The following LMO3 variants were observed in gnomAD, a reference collection of about 807,000 sequenced individuals.
LMO3 encodes LIM domain only protein 3.
Under a neutral mutation model 15.8 loss-of-function variants are expected in LMO3, and 2 were observed. That is an observed-to-expected ratio of 0.13 (90% CI 0.05 to 0.40). The LOEUF is 0.40. LMO3 is among the 10% of genes least tolerant of loss of function. The probability of loss-of-function intolerance (pLI) is 0.99; values close to 1 mark genes in which losing one functional copy is unlikely to be tolerated. For synonymous variants in LMO3, 62 were observed against 63.8 expected, an observed-to-expected ratio of 0.97 and a Z score of 0.13; for missense variants, 86 against 182.2, an observed-to-expected ratio of 0.47 and a Z score of 3.04.
chr12:16,578,755 T>C (rs912522166), intron 2 of LMO3, among the ~76,000 whole-genome samples: 38 of 151,884 alleles, frequency 2.5e-4, no homozygotes, highest in African/African-American at 8.9e-4. Context: ...GAGGCGGAGT[T>C]TGCAGTGAGC....
chr12:16,572,334 A>G (rs1942840860), intron 2 of LMO3, among the ~76,000 whole-genome samples: 1 of 142,866 alleles, frequency 7.0e-6, no homozygotes, highest in African/African-American at 2.6e-5. Context: ...ATAGTGGTCC[A>G]AACTCTTTTT....
At position 16,597,504 on chromosome 12, in the gene LMO3, T is replaced by C. The variant is rs1334296122; in HGVS notation, c.206+3151A>G. 6.6e-6 allele frequency: 1 copy of C among 151,874 alleles called. No homozygotes were observed. Among genetic ancestry groups the C allele is most frequent in the African/African-American group, 2.4e-5 (1 of 41,418 alleles). The allele number at this position is 151,874 out of a possible 1,614,324, so 9.4% of individuals were successfully genotyped here. A position where few individuals can be genotyped will look rare whatever the true frequency, so the allele number is the denominator to read the frequency against. ...ATAATTAGGAGTGTTTCTTTCTTTC[T>C]GTTTATGGAGGGAGAAGTGTATTAA... On this transcript the variant is annotated intron_variant, in intron 2 of 3. Transcript: ENST00000537304. This position sits in a 1 kb window ranked among gnomAD's most constrained non-coding sequence, Gnocchi z 5.0.
rs1943333502 is a variant in LMO3, at chr12:16,586,697, T to A, written c.206+13958A>T. 6.6e-6 allele frequency among the ~76,000 whole-genome samples: 1 copy of A among 152,204 alleles called. No homozygotes were observed. Among genetic ancestry groups the A allele is most frequent in the African/African-American group, 2.4e-5 (1 of 41,454 alleles). On this transcript the variant is annotated intron_variant, in intron 2 of 3. Transcript: ENST00000537304. This position sits in a 1 kb window ranked among gnomAD's most constrained non-coding sequence, Gnocchi z 4.3. ...TAGAGATTTCAAGATACACATCTTT[T>A]GACCCCCCATTGCAGTAGATGATGT...
chr12:16,552,391 T>G (rs1591763698), intron 3 of LMO3, among the ~76,000 whole-genome samples: 1 of 152,162 alleles, frequency 6.6e-6, no homozygotes, highest in South Asian at 2.1e-4. Flanking sequence ...AGCAGAAATC[T>G]TAGTGGATAG....
intron 2 of LMO3, among the ~76,000 whole-genome samples, chr12:16,566,040 A>ATATGT (rs1942598708): frequency 9.4e-6 from 1 of 106,802 alleles, no homozygotes; most frequent in Non-Finnish European, 1.9e-5. Context: ...ATATATATAT[A>ATATGT]AAATGGAGTA....
rs1044974073 is a variant in LMO3 at position 16,586,503 on chromosome 12, C to T, written c.206+14152G>A. On this transcript the variant is annotated intron_variant, in intron 2 of 3. Transcript: ENST00000537304. This position sits in a 1 kb window ranked among gnomAD's most constrained non-coding sequence, Gnocchi z 4.3. ...ATCTCACGCTAAGCATTATCTTCTA[C>T]GTCCACAGAAAAAAATCTGTTGTAT... is the stretch of plus-strand genomic sequence containing the variant. 4.6e-5 allele frequency among the ~76,000 whole-genome samples: 7 copies of T among 152,108 alleles called. No individual in the cohort carries two copies. Among genetic ancestry groups the T allele is most frequent in the Admixed American group, 6.6e-5 (1 of 15,262 alleles).
At chr12:16,569,828 G>A (rs1276381494) in intron 2 of LMO3, among the ~76,000 whole-genome samples, 1 of 152,048 alleles carries the variant, frequency 6.6e-6, no homozygotes, top group Non-Finnish European at 1.5e-5. Context: ...AAAAGAAACA[G>A]TAAAATAAAG....
upstream of LMO3, chr12:16,607,592 C>T (rs576635611): frequency 2.0e-5 from 3 of 152,216 alleles, no homozygotes; most frequent in East Asian, 5.8e-4. Flanking sequence ...TTAAAGTACC[C>T]TCACCAGATT....
At chr12:16,563,590 T>C (rs938607972) in intron 2 of LMO3, among the ~76,000 whole-genome samples, 1 of 152,164 alleles carries the variant, frequency 6.6e-6, no homozygotes, top group Non-Finnish European at 1.5e-5. Flanking sequence ...TCTTGTAACC[T>C]CTTCCTCTGC....
chr12:16,595,975 C>T (rs1308958208), intron 2 of LMO3, among the ~76,000 whole-genome samples: 1 of 151,300 alleles, frequency 6.6e-6, no homozygotes. Flanking sequence ...ATTGTATCAA[C>T]ATTAAAAAAG....
rs921001052 is a variant in LMO3 at position 16,593,662 on chromosome 12, C to A, written c.206+6993G>T. On this transcript the variant is annotated intron_variant, in intron 2 of 3. Transcript: ENST00000537304. This position sits in a 1 kb window ranked among gnomAD's most constrained non-coding sequence, Gnocchi z 4.2. ...GTAGTTAGTTTGTGAAGATAGAAAA[C>A]GTTTGGCTTCTATAATAAGAGGATA... Among the ~76,000 whole-genome samples the A allele has an allele frequency of 6.6e-6, 1 of 151,734 alleles. No homozygotes were observed. The highest frequency in any genetic ancestry group is 1.9e-4 in the East Asian group (1 of 5,176).
chr12:16,608,532 A>T (rs1360635202), upstream of LMO3: 2 of 152,148 alleles, frequency 1.3e-5, no homozygotes, highest in Non-Finnish European at 2.9e-5. The surrounding 1 kb of genome is among the most constrained non-coding windows in gnomAD (Gnocchi z 4.1). Context: ...GATTCCTGAT[A>T]TCAACACCAA....
intron 2 of LMO3, among the ~76,000 whole-genome samples, chr12:16,595,025 G>A (rs1943607212): frequency 6.6e-6 from 1 of 151,322 alleles, no homozygotes; most frequent in South Asian, 2.1e-4. Flanking sequence ...CTCAAATGTA[G>A]GTTTTCCAGA....
Position 16,593,292 on chromosome 12 carries a change from C to T in LMO3, c.206+7363G>A. 6.6e-6 allele frequency among the ~76,000 whole-genome samples: 1 copy of T among 151,664 alleles called. No homozygotes were observed. Among genetic ancestry groups the T allele is most frequent in the Non-Finnish European group, 1.5e-5 (1 of 67,760 alleles). On this transcript the variant is annotated intron_variant, in intron 2 of 3. Transcript: ENST00000537304. This position sits in a 1 kb window ranked among gnomAD's most constrained non-coding sequence, Gnocchi z 4.2. ...AGAGTCTTTTATTTTCCCAGTAGCC[C>T]AGTTGGAGAGTTTTAATATTAAATT...
At position 16,563,918 on chromosome 12, in the gene LMO3, C is replaced by T. The variant is rs1942493640; in HGVS notation, c.207-3380G>A. 4.6e-5 allele frequency among the ~76,000 whole-genome samples: 7 copies of T among 152,162 alleles called. No individual in the cohort carries two copies. The South Asian group carries it at 1.5e-3, about 32-fold the overall frequency. On this transcript the variant is annotated intron_variant, in intron 2 of 3. Transcript: ENST00000537304. The stretch of plus-strand genomic sequence containing the variant: ...TAAATCATGATACATGGTAATTTGC[C>T]AATTTATGGGCTAGATTTTTCCCTA...
rs1051837387 is a variant in LMO3 at position 16,560,587 on chromosome 12, C to G, written c.207-49G>C. 3 of 1,544,120 alleles carry G rather than the reference C, an allele frequency of 1.9e-6. No individual in the cohort carries two copies. Among genetic ancestry groups the G allele is most frequent in the Admixed American group, 3.5e-5 (2 of 56,672 alleles). On this transcript the variant is annotated intron_variant, in intron 2 of 3. Coordinates refer to ENST00000537304, the MANE Select transcript of LMO3 (RefSeq NM_018640.5). The surrounding 1 kb of genome is among the most constrained non-coding windows in gnomAD (Gnocchi z 5.0). ...TTTTTACAAACTCTTACAGAGAAAT[C>G]TGAGATCGTGAAGAGAGATGATGTT...
Position 16,586,718 on chromosome 12 carries a change from GAT to G in LMO3, c.206+13935_206+13936del, listed in dbSNP as rs1389220298. ...CTTTTGACCCCCCATTGCAGTAGATGATGTTTTTTTCCATTTCTCTGGTACTT... is the reference window on the plus strand; with the variant it reads ...CTTTTGACCCCCCATTGCAGTAGATGGTTTTTTTCCATTTCTCTGGTACTT... On this transcript the variant is annotated intron_variant, in intron 2 of 3. Transcript: ENST00000537304. The surrounding 1 kb of genome is among the most constrained non-coding windows in gnomAD (Gnocchi z 4.3). Among the ~76,000 whole-genome samples the G allele has an allele frequency of 6.6e-6, 1 of 152,174 alleles. No individual in the cohort carries two copies. The highest frequency in any genetic ancestry group is 1.9e-4 in the East Asian group (1 of 5,188).
rs1229449504 is a variant in LMO3, at chr12:16,576,924, ACTAT to A, written c.207-16390_207-16387del. Reference sequence around the variant, plus strand: ...CCACCCTCCCCACGTTCTTTCCTAAACTATCTATTTTAGAAATAACCCAATAAGG... The same window carrying A: ...CCACCCTCCCCACGTTCTTTCCTAAACTATTTTAGAAATAACCCAATAAGG... On this transcript the variant is annotated intron_variant, in intron 2 of 3. Transcript: ENST00000537304. The surrounding 1 kb of genome is among the most constrained non-coding windows in gnomAD (Gnocchi z 4.1). Among the ~76,000 whole-genome samples, 4 of 152,204 alleles carry A rather than the reference ACTAT, an allele frequency of 2.6e-5. No homozygotes were observed. The highest frequency in any genetic ancestry group is 5.9e-5 in the Non-Finnish European group (4 of 68,030).
intron 2 of LMO3, among the ~76,000 whole-genome samples, chr12:16,580,892 T>C (rs1943139150): frequency 6.6e-6 from 1 of 151,888 alleles, no homozygotes; most frequent in African/African-American, 2.4e-5. Context: ...TAACACCTTA[T>C]TTGTTTTAAA....
Sources: allele counts gnomAD v4.1 joint callset (sites outside exome capture counted in the v4.1 genomes callset), GRCh38; gene constraint gnomAD v4.1.1; non-coding constraint Gnocchi (gnomAD v3.1); transcripts MANE v1.5; gene names NCBI Gene and HGNC (gene_info 2026-07-23, HGNC 2026-07-21).